POLE: variants seen among roughly 807,000 people sequenced by gnomAD.
POLE encodes DNA polymerase epsilon, catalytic subunit, also known as DNA polymerase epsilon catalytic subunit A.
In POLE, 188 loss-of-function variants were observed where a neutral mutation model predicts 279.2. That is an observed-to-expected ratio of 0.67 (90% confidence interval 0.60 to 0.76). The LOEUF is 0.76. Among genes scored for constraint, POLE ranks in the 30% least tolerant of loss-of-function variants. POLE has a pLI of 0.00. For synonymous variants in POLE, 1,214 were observed against 1,172.5 expected, an observed-to-expected ratio of 1.04 and a Z score of -0.72; for missense variants, 2,703 against 3,016.7, an observed-to-expected ratio of 0.90 and a Z score of 2.44.
chr12:132,650,606 C>A (rs1593753160), intron 29 of POLE: 1 of 151,994 alleles, frequency 6.6e-6, no homozygotes, highest in African/African-American at 2.4e-5. Context: ...GAGGGTGAGA[C>A]CCTCTTTCAA....
chr12:132,683,719 G>A (rs1238530926), intron 1 of POLE, among the ~76,000 whole-genome samples: 3 of 152,222 alleles, frequency 2.0e-5, no homozygotes, highest in Non-Finnish European at 4.4e-5. Flanking sequence ...AGGGGCGCAC[G>A]GCCCTCTATG....
intron 41 of POLE, 54 bp from the exon 42 acceptor site, chr12:132,636,078 C>T (rs1280232762): frequency 7.6e-6 from 12 of 1,573,334 alleles, no homozygotes; most frequent in African/African-American, 4.1e-5. Context: ...TTGTTCTCAA[C>T]TTTCCTTTAT....
intron 40 of POLE, chr12:132,638,366 T>C (rs1378202010): frequency 1.5e-5 from 5 of 337,740 alleles, no homozygotes; most frequent in Non-Finnish European, 2.7e-5. Context: ...AGCAAATTCT[T>C]ATCACAGAAA....
In POLE at chr12:132,624,989, GCAGACCTGA is replaced by G; in HGVS notation, c.6658-4_6662del. ...TCTCCTTCACCCCGCGGCACTTCAG[GCAGACCTGA>G]AAGGGAGCAGCCCCGATGGGCGCCA... On this transcript the variant is annotated splice_acceptor_variant and splice_polypyrimidine_tract_variant and coding_sequence_variant and intron_variant, in exon 48 of 49. Transcript: ENST00000320574. LOFTEE classifies it high-confidence loss of function. The G allele has an allele frequency of 6.2e-7, 1 of 1,613,534 alleles. No individual in the cohort carries two copies. Among genetic ancestry groups the G allele is most frequent in the Non-Finnish European group, 8.5e-7 (1 of 1,179,732 alleles).
intron 1 of POLE, among the ~76,000 whole-genome samples, chr12:132,681,983 G>A (rs1008119363): frequency 6.6e-6 from 1 of 152,142 alleles, no homozygotes; most frequent in Non-Finnish European, 1.5e-5. Flanking sequence ...TCAGGAGTTT[G>A]AGACCAGCCT....
rs111709550 is a variant in POLE at position 132,632,782 on chromosome 12, G to A, written c.6018C>T (p.Ala2006=). The part of the protein sequence containing the change: ...FLMIVSAYIV[A]VYHCMKDGLR... ...GCCCGTCCTTCATGCAGTGGTACACGGCCACGATGTACGCTGTGGAGAGGC... is the reference window on the plus strand; with the variant it reads ...GCCCGTCCTTCATGCAGTGGTACACAGCCACGATGTACGCTGTGGAGAGGC... The change falls in exon 44 of 49, where the codon GCC becomes GCT. Residue 2006 remains alanine (A), a synonymous_variant. Coordinates refer to ENST00000320574, the MANE Select transcript of POLE (RefSeq NM_006231.4). 94 of 1,608,894 alleles carry A rather than the reference G, an allele frequency of 5.8e-5. No homozygotes were observed. The highest frequency in any genetic ancestry group is 1.6e-4 in the Middle Eastern group (1 of 6,080).
chr12:132,665,600 T>A, intron 20 of POLE, 150 bp from the exon 21 acceptor site: 1 of 800,636 alleles, frequency 1.2e-6, no homozygotes, highest in Non-Finnish European at 1.9e-6. Flanking sequence ...ATTCTTCTCC[T>A]AGACTGGCCA....
Position 132,632,377 on chromosome 12 carries a change from G to A in POLE, c.6268C>T (p.Leu2090Phe), listed in dbSNP as rs2138460036. The change falls in exon 45 of 49, where the codon CTC becomes TTC. Residue 2090 changes from leucine to phenylalanine, a missense_variant. Leu to Phe is a conservative substitution (Grantham distance 22). Transcript: ENST00000320574. ...TTGAGCAGCAAGTGGGAACCGGGGAGGACAGGAAACATCTCTGAGAGCTCA... is the reference window on the plus strand; with the variant it reads ...TTGAGCAGCAAGTGGGAACCGGGGAAGACAGGAAACATCTCTGAGAGCTCA... ...STELSEMFPV[L>F]PGSHLLLNNP... 6.8e-6 allele frequency: 11 copies of A among 1,614,100 alleles called. No homozygotes were observed. The highest frequency in any genetic ancestry group is 8.5e-6 in the Non-Finnish European group (10 of 1,179,926).
intron 42 of POLE, 69 bp downstream of exon 42, chr12:132,635,823 T>C (rs372228848): frequency 6.5e-7 from 1 of 1,541,684 alleles, no homozygotes. Flanking sequence ...CCCTGAGCAC[T>C]CAGCACTTGC....
intron 10 of POLE, 81 bp downstream of exon 10, chr12:132,676,013 G>A (rs572232685): frequency 1.5e-5 from 15 of 1,020,470 alleles, no homozygotes; most frequent in South Asian, 7.0e-5. Flanking sequence ...CTGATCTGAC[G>A]GAATGCCTGA....
intron 41 of POLE, among the ~76,000 whole-genome samples, chr12:132,636,711 C>T (rs902510876): frequency 6.6e-6 from 1 of 152,132 alleles, no homozygotes; most frequent in African/African-American, 2.4e-5. Flanking sequence ...GCCATGACTG[C>T]ACCACTGCAC....
chr12:132,679,273 T>C (rs2043117435), intron 6 of POLE, among the ~76,000 whole-genome samples: 1 of 152,188 alleles, frequency 6.6e-6, no homozygotes, highest in Non-Finnish European at 1.5e-5. Context: ...TTTAGAGCCA[T>C]AAACCCACCC....
At chr12:132,673,302 G>A (rs746091383) in intron 13 of POLE, 25 bp from the exon 14 acceptor site, 4 of 1,498,592 alleles carry the variant, frequency 2.7e-6, no homozygotes, top group African/African-American at 1.4e-5. Context: ...CCAGAGAGCA[G>A]GGCCATCAAA....
chr12:132,668,358 G>A lies in POLE; in HGVS notation c.2171C>T (p.Ala724Val), dbSNP rs61734163. 1,055 of 1,567,410 alleles carry A rather than the reference G, an allele frequency of 6.7e-4. No individual in the cohort carries two copies. Among genetic ancestry groups the A allele is most frequent in the Non-Finnish European group, 8.6e-4 (992 of 1,155,448 alleles). ...EQAKYEKRRLADYCRKAYKKI... is the reference protein window; with the variant it reads ...EQAKYEKRRLVDYCRKAYKKI... ...CGTGACCATGCCCAGGCACTCACCC[G>A]CCAGCCTTCTCTTCTCGTATTTCGC... is the stretch of plus-strand genomic sequence containing the variant. The change falls in exon 19 of 49, where the codon GCG becomes GTG. Residue 724 changes from alanine (A) to valine (V), a missense_variant and splice_region_variant. By Grantham distance (64) the Ala-to-Val change is moderately conservative. Transcript: ENST00000320574. The surrounding 1 kb of genome is among the most constrained non-coding windows in gnomAD (Gnocchi z 4.0).
intron 1 of POLE, among the ~76,000 whole-genome samples, chr12:132,682,098 A>G (rs1479929611): frequency 6.6e-6 from 1 of 152,018 alleles, no homozygotes; most frequent in African/African-American, 2.4e-5. Context: ...GATCTAGACC[A>G]TCCTGCTAAT....
chr12:132,668,513 G>A lies in POLE; in HGVS notation c.2027-11C>T, dbSNP rs1555227287. The A allele has an allele frequency of 1.9e-6, 3 of 1,582,254 alleles. No homozygotes were observed. The African/African-American group carries it at 4.0e-5, about 21-fold the overall frequency. Reference sequence around the variant, plus strand: ...TGCGACTGGCTGGCACTGGGAAGGAGGCAATGGGGGCAAGTTCAAAAGGAG... The same window carrying A: ...TGCGACTGGCTGGCACTGGGAAGGAAGCAATGGGGGCAAGTTCAAAAGGAG... On this transcript the variant is annotated splice_polypyrimidine_tract_variant and intron_variant, in intron 18 of 48. Coordinates refer to ENST00000320574, the MANE Select transcript of POLE (RefSeq NM_006231.4). The surrounding 1 kb of genome is among the most constrained non-coding windows in gnomAD (Gnocchi z 4.0).
rs373170535 is a variant in POLE at position 132,649,455 on chromosome 12, G to T, written c.3856C>A (p.Arg1286Ser). 6.2e-7 allele frequency: 1 copy of T among 1,612,130 alleles called. No individual in the cohort carries two copies. Residue 1286 changes from arginine (R) to serine (S), a missense_variant, in exon 31 of 49, where the codon CGC becomes AGC. Physicochemically the swap from Arg to Ser is moderately radical, Grantham distance 110. This residue lies in a region of POLE where 1,551 missense variants were observed against 1,686.1 expected (regional missense o/e 0.92). Transcript: ENST00000320574. ...CGCTGCCTCTTCCTGCGGGCGAGGCGCTGCCGGGCCTGCAGCTGCCACTTC... is the reference window on the plus strand; with the variant it reads ...CGCTGCCTCTTCCTGCGGGCGAGGCTCTGCCGGGCCTGCAGCTGCCACTTC... ...KKKWQLQARQ[R>S]LARRKRQRLE... is the part of the protein sequence containing the mutation.
chr12:132,649,432 C>T lies in POLE; in HGVS notation c.3879G>A (p.Gln1293=), dbSNP rs1555223957. Residue 1293 remains glutamine (Q), a synonymous_variant, in exon 31 of 49, where the codon CAG becomes CAA. Transcript: ENST00000320574. ...ARQRLARRKR[Q]RLESAEGVLR... Reference sequence around the variant, plus strand: ...GCACACCCTCTGCCGACTCCAGACGCTGCCTCTTCCTGCGGGCGAGGCGCT... The same window carrying T: ...GCACACCCTCTGCCGACTCCAGACGTTGCCTCTTCCTGCGGGCGAGGCGCT... The T allele has an allele frequency of 6.2e-7, 1 of 1,612,922 alleles. No homozygotes were observed.
intron 27 of POLE, 113 bp from the exon 28 acceptor site, chr12:132,657,542 A>G: frequency 1.1e-6 from 1 of 902,206 alleles, no homozygotes; most frequent in Non-Finnish European, 1.7e-6. Context: ...TCCTCTCAGA[A>G]ACTCTATGAT....
Sources: gnomAD v4.1 joint callset for allele counts (sites outside exome capture counted in the v4.1 genomes callset) on GRCh38, gnomAD v4.1.1 for gene constraint, gnomAD v4.1.1 regional missense constraint, Gnocchi (gnomAD v3.1) non-coding constraint, MANE v1.5 for transcripts, NCBI Gene and HGNC (gene_info 2026-07-23, HGNC 2026-07-21) for gene names.